The following EYA1 variants were observed in gnomAD, a reference collection of about 807,000 sequenced individuals.
The protein encoded by EYA1 is protein phosphatase EYA1.
EYA1 carries 16 observed loss-of-function variants against 82.0 expected under a neutral mutation model. The observed-to-expected ratio is 0.20, with a 90% CI of 0.13 to 0.30. The LOEUF (loss-of-function observed/expected upper bound fraction) is 0.30. Ranked by LOEUF, EYA1 falls within the 10% of genes least tolerant of loss-of-function variation. The pLI is 1.00. For missense variants in EYA1, 633 were observed against 730.7 expected, an observed-to-expected ratio of 0.87 and a Z score of 1.54; for synonymous variants, 261 against 264.4, an observed-to-expected ratio of 0.99 and a Z score of 0.12.
At chr8:71,372,143 G>C (rs2129090770) in intron 2 of EYA1, among the ~76,000 whole-genome samples, 1 of 152,062 alleles carries the variant, frequency 6.6e-6, no homozygotes, top group South Asian at 2.1e-4. Context: ...CACATCAATG[G>C]ATATTATTCG....
At chr8:71,241,236 G>A (rs1812451534) in intron 12 of EYA1, among the ~76,000 whole-genome samples, 2 of 152,062 alleles carry the variant, frequency 1.3e-5, no homozygotes, top group South Asian at 4.1e-4. Context: ...TGTGTCAACA[G>A]AATTGATATA....
intron 2 of EYA1, among the ~76,000 whole-genome samples, chr8:71,503,720 T>C (rs923823325): frequency 2.6e-5 from 4 of 152,204 alleles, no homozygotes; most frequent in Non-Finnish European, 4.4e-5. Flanking sequence ...CTACATTCTC[T>C]CACAATCTCA....
Position 71,295,757 on chromosome 8 carries a change from A to G in EYA1, c.826+3290T>C, listed in dbSNP as rs576983187. On this transcript the variant is annotated intron_variant, in intron 9 of 17. Transcript: ENST00000340726. ...TTGAAAATTTATATCTATTAAAAAA[A>G]CTGCACACAAATGTTTATAGAAACT... Among the ~76,000 whole-genome samples, 61 of 152,362 alleles carry G rather than the reference A, an allele frequency of 4.0e-4. 1 individual carries two copies. In the South Asian group the frequency reaches 5.4e-3, roughly 13 times the overall value.
chr8:71,419,974 C>T (rs1344956333), intron 2 of EYA1, among the ~76,000 whole-genome samples: 2 of 152,026 alleles, frequency 1.3e-5, no homozygotes, highest in African/African-American at 4.8e-5. Flanking sequence ...GGGCTAAATA[C>T]TTCTTCCCAT....
chr8:71,476,716 A>G (rs1278169069), intron 2 of EYA1, among the ~76,000 whole-genome samples: 1 of 152,124 alleles, frequency 6.6e-6, no homozygotes, highest in African/African-American at 2.4e-5. Context: ...ATAGAAATAG[A>G]TAAGTTGTTC....
At chr8:71,413,378 T>C (rs571215673) in intron 2 of EYA1, among the ~76,000 whole-genome samples, 1 of 152,316 alleles carries the variant, frequency 6.6e-6, no homozygotes, top group South Asian at 2.1e-4. Context: ...ATGCTCAGTA[T>C]ATTATCCTAG....
At chr8:71,287,643 CA>C (rs931076702) in intron 9 of EYA1, among the ~76,000 whole-genome samples, 3 of 152,158 alleles carry the variant, frequency 2.0e-5, no homozygotes. Flanking sequence ...ACTGGTGAGC[CA>C]CACTTTTGGG....
intron 9 of EYA1, among the ~76,000 whole-genome samples, chr8:71,279,656 C>T (rs758081139): frequency 6.6e-6 from 1 of 152,188 alleles, no homozygotes; most frequent in Non-Finnish European, 1.5e-5. Context: ...TTGACCCTTA[C>T]TCCAGGGATG....
intron 2 of EYA1, among the ~76,000 whole-genome samples, chr8:71,384,029 TA>T (rs911859077): frequency 1.3e-5 from 2 of 152,066 alleles, no homozygotes; most frequent in Non-Finnish European, 2.9e-5. Flanking sequence ...CTTTTTTTTT[TA>T]AATTCATTGC....
intron 2 of EYA1, among the ~76,000 whole-genome samples, chr8:71,519,306 T>G (rs1486056066): frequency 6.6e-6 from 1 of 152,228 alleles, no homozygotes; most frequent in African/African-American, 2.4e-5. Flanking sequence ...TCTAGTAAAC[T>G]AATTTAGTGT....
intron 2 of EYA1, chr8:71,529,709 A>G: frequency 7.2e-6 from 1 of 139,284 alleles, no homozygotes; most frequent in East Asian, 2.4e-4. Context: ...ATGGTGGATG[A>G]CCCAGTAATG....
intron 3 of EYA1, among the ~76,000 whole-genome samples, chr8:71,350,942 C>T (rs1826247089): frequency 6.6e-6 from 1 of 152,140 alleles, no homozygotes; most frequent in African/African-American, 2.4e-5. Flanking sequence ...TCGAAAGAAC[C>T]TTTCCCAACT....
intron 2 of EYA1, among the ~76,000 whole-genome samples, chr8:71,388,421 C>T (rs879661336): frequency 6.6e-6 from 1 of 152,160 alleles, no homozygotes; most frequent in Admixed American, 6.5e-5. Flanking sequence ...GCACACAGTG[C>T]TCCTAAACAG....
chr8:71,263,800 T>C (rs550202901), intron 11 of EYA1, among the ~76,000 whole-genome samples: 1 of 152,312 alleles, frequency 6.6e-6, no homozygotes, highest in South Asian at 2.1e-4. Flanking sequence ...TTAAACAACA[T>C]TCTTAAAGGC....
At chr8:71,467,845 T>C (rs971494708) in intron 2 of EYA1, among the ~76,000 whole-genome samples, 2 of 152,198 alleles carry the variant, frequency 1.3e-5, no homozygotes, top group African/African-American at 4.8e-5. Flanking sequence ...AAATTTTCTG[T>C]AATACTTCAC....
chr8:71,255,856 C>T (rs1814347454), intron 11 of EYA1, among the ~76,000 whole-genome samples: 1 of 151,142 alleles, frequency 6.6e-6, no homozygotes, highest in African/African-American at 2.4e-5. Flanking sequence ...TATGTAAAGA[C>T]CTCCTATGAC....
At chr8:71,503,703 G>A (rs1315545501) in intron 2 of EYA1, among the ~76,000 whole-genome samples, 1 of 152,188 alleles carries the variant, frequency 6.6e-6, no homozygotes, top group Non-Finnish European at 1.5e-5. Context: ...TGTTATTTGA[G>A]CAGGTACTAC....
intron 2 of EYA1, among the ~76,000 whole-genome samples, chr8:71,462,758 G>A (rs1012504173): frequency 3.9e-5 from 6 of 152,180 alleles, no homozygotes; most frequent in Admixed American, 3.9e-4. Context: ...CAGGCCTAGG[G>A]GCAGGTCCTG....
intron 2 of EYA1, among the ~76,000 whole-genome samples, chr8:71,454,990 A>G (rs1417844384): frequency 2.0e-5 from 3 of 152,248 alleles, no homozygotes; most frequent in Non-Finnish European, 4.4e-5. Context: ...GAAAAGATCA[A>G]CAAAATTGAC....
Sources: allele counts gnomAD v4.1 joint callset (sites outside exome capture counted in the v4.1 genomes callset), GRCh38; gene constraint gnomAD v4.1.1; transcripts MANE v1.5; gene names NCBI Gene and HGNC (gene_info 2026-07-23, HGNC 2026-07-21).